PPP2R3A: variants seen among roughly 807,000 people sequenced by gnomAD.
PPP2R3A encodes serine/threonine-protein phosphatase 2A regulatory subunit B'' subunit alpha.
A neutral mutation model predicts 106.9 loss-of-function variants in PPP2R3A; 80 were observed. That is an observed-to-expected ratio of 0.75 (90% confidence interval 0.62 to 0.90). PPP2R3A has a LOEUF of 0.90. PPP2R3A is among the 40% of genes least tolerant of loss of function. The probability of loss-of-function intolerance (pLI) is 0.00; values close to 1 mark genes in which losing one functional copy is unlikely to be tolerated. For synonymous variants in PPP2R3A, 483 were observed against 468.3 expected (o/e 1.03, Z -0.41); for missense variants, 1,386 against 1,350.4 (o/e 1.03, Z -0.41).
At chr3:136,054,582 T>C (rs914323810) in intron 5 of PPP2R3A, among the ~76,000 whole-genome samples, 1 of 152,168 alleles carries the variant, frequency 6.6e-6, no homozygotes, top group African/African-American at 2.4e-5. Flanking sequence ...AACGCTATTC[T>C]ATGTGGAATA....
intron 13 of PPP2R3A, among the ~76,000 whole-genome samples, chr3:136,114,381 T>A (rs1368670542): frequency 2.6e-5 from 4 of 152,062 alleles, no homozygotes; most frequent in Non-Finnish European, 4.4e-5. Context: ...GTTTTTTTTG[T>A]TTTGTTTTGT....
At position 136,020,582 on chromosome 3, in the gene PPP2R3A, T is replaced by G. The variant is rs373216847; in HGVS notation, c.1996-6250T>G. Among the ~76,000 whole-genome samples, 83 of 85,330 alleles carry G rather than the reference T, an allele frequency of 9.7e-4. 1 individual carries two copies. Among genetic ancestry groups the G allele is most frequent in the African/African-American group, 1.2e-3 (33 of 27,752 alleles). 56.0% of individuals were successfully genotyped at this position (85,330 alleles called of 152,430 possible). On this transcript the variant is annotated intron_variant, in intron 2 of 13. Transcript: ENST00000264977. ...AGTTTACTTTTACTAAAACTTAGGG[T>G]TTTTTTTTAATTTTAGAACAGCTTT...
chr3:136,067,721 A>T (rs1026884311), intron 5 of PPP2R3A, among the ~76,000 whole-genome samples: 1 of 152,250 alleles, frequency 6.6e-6, no homozygotes, highest in African/African-American at 2.4e-5. Flanking sequence ...GAATGAAGGC[A>T]TAAAGAAAAT....
At chr3:136,135,825 C>CAGATG (rs1045697276) in intron 13 of PPP2R3A, among the ~76,000 whole-genome samples, 11 of 151,938 alleles carry the variant, frequency 7.2e-5, no homozygotes, top group African/African-American at 4.8e-5. Flanking sequence ...CCGAGGCAGG[C>CAGATG]AGATGAGGCC....
intron 13 of PPP2R3A, among the ~76,000 whole-genome samples, chr3:136,130,100 C>G (rs549287926): frequency 6.6e-6 from 1 of 152,008 alleles, no homozygotes; most frequent in Non-Finnish European, 1.5e-5. Context: ...CTTTGAAAAC[C>G]GGCACGAGAC....
At chr3:135,999,733 C>A (rs568250802) in intron 1 of PPP2R3A, among the ~76,000 whole-genome samples, 1 of 152,024 alleles carries the variant, frequency 6.6e-6, no homozygotes, top group Non-Finnish European at 1.5e-5. Context: ...AGCAAGATGA[C>A]TCGTGAAAAG....
At position 136,143,122 on chromosome 3, in the gene PPP2R3A, C is replaced by G. The variant is rs143517444; in HGVS notation, c.3330-1921C>G. On this transcript the variant is annotated intron_variant, in intron 13 of 13. Transcript: ENST00000264977. ...TTATAACTTTTGACAGTATCATAAA[C>G]TGGTAGTCATAGGGAACAATTTTCT... 2.6e-3 allele frequency among the ~76,000 whole-genome samples: 393 copies of G among 152,330 alleles called. 4 individuals are homozygous for G. Among genetic ancestry groups the G allele is most frequent in the African/African-American group, 9.1e-3 (378 of 41,572 alleles).
chr3:136,003,583 T>A (rs1933735630), intron 2 of PPP2R3A, 90 bp downstream of exon 2: 10 of 1,237,170 alleles, frequency 8.1e-6, no homozygotes, highest in Non-Finnish European at 1.0e-5. Context: ...TTGTTAGCCA[T>A]TTTTTGTTCT....
At position 136,078,506 on chromosome 3, in the gene PPP2R3A, A is replaced by G. The variant is rs895800563; in HGVS notation, c.2631+53A>G. 4.4e-5 allele frequency: 51 copies of G among 1,160,132 alleles called. No individual in the cohort carries two copies. In the African/African-American group the frequency reaches 6.8e-4, roughly 16 times the overall value. 71.9% of individuals were successfully genotyped at this position (1,160,132 alleles called of 1,614,324 possible). ...AATGAGCAATTTAGATAATTTTCTTACTTTATTTAACAAATATTTGAGCGC... is the reference window on the plus strand; with the variant it reads ...AATGAGCAATTTAGATAATTTTCTTGCTTTATTTAACAAATATTTGAGCGC... On this transcript the variant is annotated intron_variant, in intron 7 of 13. Transcript: ENST00000264977.
At chr3:135,998,168 A>G (rs1035219174) in intron 1 of PPP2R3A, among the ~76,000 whole-genome samples, 2 of 152,210 alleles carry the variant, frequency 1.3e-5, no homozygotes, top group Non-Finnish European at 2.9e-5. Context: ...TTCACTGTGC[A>G]GTGTTCTGCC....
chr3:136,065,806 G>C (rs1347174348), intron 5 of PPP2R3A, among the ~76,000 whole-genome samples: 2 of 152,120 alleles, frequency 1.3e-5, no homozygotes, highest in Admixed American at 1.3e-4. Context: ...CTCCCAAGTA[G>C]TTGGGACAAC....
intron 5 of PPP2R3A, among the ~76,000 whole-genome samples, chr3:136,056,471 A>G (rs930444475): frequency 3.6e-5 from 4 of 110,268 alleles, no homozygotes; most frequent in African/African-American, 8.7e-5. Flanking sequence ...TTATAAACCT[A>G]AAACTATTCT....
At chr3:136,041,037 C>G (rs1317305235) in intron 4 of PPP2R3A, 75 bp downstream of exon 4, 3 of 1,206,982 alleles carry the variant, frequency 2.5e-6, no homozygotes, top group Admixed American at 4.8e-5. Flanking sequence ...CTAAAGGTCA[C>G]CTATTTTACT....
intron 2 of PPP2R3A, among the ~76,000 whole-genome samples, chr3:136,013,020 C>G (rs1028556109): frequency 2.6e-5 from 4 of 152,198 alleles, no homozygotes; most frequent in Non-Finnish European, 4.4e-5. Context: ...TAGCTTAGCT[C>G]TAGCTTATAA....
At chr3:136,023,099 G>A in intron 2 of PPP2R3A, 1 of 1,613,410 alleles carries the variant, frequency 6.2e-7, no homozygotes, top group Non-Finnish European at 8.5e-7. Flanking sequence ...CTCTACGAAG[G>A]GACCCGGATT....
intron 4 of PPP2R3A, among the ~76,000 whole-genome samples, chr3:136,042,436 C>T (rs1935319727): frequency 1.3e-5 from 2 of 152,168 alleles, no homozygotes; most frequent in Non-Finnish European, 2.9e-5. Flanking sequence ...CACACCGCCA[C>T]AGCACGTGTT....
Position 136,041,264 on chromosome 3 carries a change from T to G in PPP2R3A, c.2366+302T>G, listed in dbSNP as rs146414614. ...TTTTTTTTTTTGTTTTTTTTTTTGT[T>G]TTTTTTTTTTTGAGACAGAATGTCA... On this transcript the variant is annotated intron_variant, in intron 4 of 13. Coordinates refer to ENST00000264977, the MANE Select transcript of PPP2R3A (RefSeq NM_002718.5). Among the ~76,000 whole-genome samples the G allele has an allele frequency of 6.6e-4, 53 of 80,510 alleles. 2 individuals are homozygous for G. Among genetic ancestry groups the G allele is most frequent in the African/African-American group, 1.7e-3 (44 of 26,424 alleles). The allele number at this position is 80,510 out of a possible 152,430, so 52.8% of individuals were successfully genotyped here.
chr3:136,127,167 T>C (rs1354508449), intron 13 of PPP2R3A, among the ~76,000 whole-genome samples: 1 of 152,184 alleles, frequency 6.6e-6, no homozygotes, highest in East Asian at 1.9e-4. Flanking sequence ...AGAATGACTT[T>C]GACGAGTTGA....
intron 2 of PPP2R3A, among the ~76,000 whole-genome samples, chr3:136,014,741 G>A (rs762900043): frequency 5.1e-4 from 78 of 152,096 alleles, no homozygotes; most frequent in Non-Finnish European, 9.3e-4. Context: ...AGTCTTTAGG[G>A]TTTTCCAGGT....
Sources: gnomAD v4.1 joint callset for allele counts (sites outside exome capture counted in the v4.1 genomes callset) on GRCh38, gnomAD v4.1.1 for gene constraint, MANE v1.5 for transcripts, NCBI Gene and HGNC (gene_info 2026-07-23, HGNC 2026-07-21) for gene names.